The following RBBP4 variants were observed in gnomAD, a reference collection of about 807,000 sequenced individuals.
RBBP4 encodes histone-binding protein RBBP4.
RBBP4 carries 3 observed loss-of-function variants against 57.2 expected under a neutral mutation model. The ratio of observed to expected loss-of-function variants is 0.05; its 90% CI spans 0.02 to 0.14. The LOEUF is 0.14. Among genes scored for constraint, RBBP4 ranks in the 10% least tolerant of loss-of-function variants. RBBP4 has a pLI of 1.00. For synonymous variants in RBBP4, 151 were observed against 171.5 expected, an observed-to-expected ratio of 0.88 and a Z score of 0.93; for missense variants, 107 against 520.6, an observed-to-expected ratio of 0.21 and a Z score of 7.73.
At chr1:32,672,995 T>G in intron 11 of RBBP4, 94 bp downstream of exon 11, 4 of 1,039,984 alleles carry the variant, frequency 3.8e-6, no homozygotes, top group South Asian at 1.5e-5. Context: ...CTACCATCTC[T>G]GTTCATTTTA....
chr1:32,651,505 G>A, intron 1 of RBBP4, 183 bp downstream of exon 1: 2 of 1,345,368 alleles, frequency 1.5e-6, no homozygotes, highest in Non-Finnish European at 1.9e-6. Flanking sequence ...GACCGATTTC[G>A]GTCGCAGCTG....
Position 32,672,823 on chromosome 1 carries a change from T to C in RBBP4, c.1134T>C (p.Ser378=). Residue 378 remains serine (S), a synonymous_variant, in exon 11 of 12, where the codon TCT becomes TCC. Coordinates refer to ENST00000373493, the MANE Select transcript of RBBP4 (RefSeq NM_005610.3). The stretch of plus-strand genomic sequence containing the variant: ...ATGGTGGTCATACTGCCAAGATATC[T>C]GATTTCTCCTGGAATCCCAATGAAC... ...FIHGGHTAKI[S]DFSWNPNEPW... 6.2e-7 allele frequency: 1 copy of C among 1,613,900 alleles called. No individual in the cohort carries two copies. The highest frequency in any genetic ancestry group is 8.5e-7 in the Non-Finnish European group (1 of 1,179,762).
intron 8 of RBBP4, among the ~76,000 whole-genome samples, chr1:32,670,703 G>A (rs1305908373): frequency 6.6e-6 from 1 of 152,140 alleles, no homozygotes; most frequent in Non-Finnish European, 1.5e-5. Flanking sequence ...CTCCCAAAGT[G>A]CTGGGATTAC....
intron 3 of RBBP4, among the ~76,000 whole-genome samples, chr1:32,660,760 C>A (rs926851712): frequency 2.0e-5 from 3 of 151,960 alleles, no homozygotes; most frequent in Non-Finnish European, 4.4e-5. Context: ...TTTTGTCATT[C>A]TGGTATTTGG....
chr1:32,659,259 C>T (rs114023524), intron 3 of RBBP4, among the ~76,000 whole-genome samples: 353 of 151,614 alleles, frequency 2.3e-3, no homozygotes, highest in African/African-American at 8.2e-3. Flanking sequence ...CCCCTTCTCC[C>T]ATATAATAAA....
At chr1:32,679,076 C>G (rs1368144871) in intron 11 of RBBP4, among the ~76,000 whole-genome samples, 2 of 152,138 alleles carry the variant, frequency 1.3e-5, no homozygotes, top group South Asian at 4.1e-4. Flanking sequence ...GTGGGCAGAT[C>G]ACCTGAGATC....
chr1:32,655,584 T>C (rs1416939796), intron 2 of RBBP4, among the ~76,000 whole-genome samples: 3 of 152,188 alleles, frequency 2.0e-5, no homozygotes, highest in Non-Finnish European at 4.4e-5. Flanking sequence ...CCTATTGATA[T>C]CTTTAGACCT....
rs1649781752 is a variant in RBBP4 at position 32,685,750 on chromosome 1, A to C, written c.*6045A>C. 6.6e-6 allele frequency: 1 copy of C among 152,222 alleles called. No individual in the cohort carries two copies. The highest frequency in any genetic ancestry group is 2.1e-4 in the South Asian group (1 of 4,824). 9.4% of individuals were successfully genotyped at this position (152,222 alleles called of 1,614,324 possible). A position where few individuals can be genotyped will look rare whatever the true frequency, so the allele number is the denominator to read the frequency against. ...ACCCGTTGGTAAGGTACAAAAGTAC[A>C]TGCTTGGAAAAGCAGTCTGCACCAC... On this transcript the variant is annotated 3_prime_UTR_variant, in exon 12 of 12. Transcript: ENST00000373493.
chr1:32,672,720 A>T (rs1393224783), intron 10 of RBBP4, 21 bp downstream of exon 10: 2 of 1,611,810 alleles, frequency 1.2e-6, no homozygotes, highest in African/African-American at 2.7e-5. Context: ...AGCATTGGAC[A>T]GTACTGAAAT....
chr1:32,676,802 G>T (rs1014404445), intron 11 of RBBP4, among the ~76,000 whole-genome samples: 2 of 151,792 alleles, frequency 1.3e-5, no homozygotes, highest in Non-Finnish European at 2.9e-5. Flanking sequence ...TAATAGCTGG[G>T]CGTGATGGCA....
chr1:32,660,178 T>G (rs555083968), intron 3 of RBBP4, among the ~76,000 whole-genome samples: 1 of 152,310 alleles, frequency 6.6e-6, no homozygotes, highest in South Asian at 2.1e-4. Flanking sequence ...TTATACCTTC[T>G]CCACCCAATA....
At chr1:32,653,636 G>GTT (rs1557849759) in intron 2 of RBBP4, among the ~76,000 whole-genome samples, 1 of 15,248 alleles carries the variant, frequency 6.6e-5, no homozygotes, top group Admixed American at 1.0e-3. Context: ...TTTGTTTTCT[G>GTT]GTTTTTTTTT....
In RBBP4 at chr1:32,684,584, C is replaced by A. The variant is rs530801144; in HGVS notation, c.*4879C>A. 7 of 684,932 alleles carry A rather than the reference C, an allele frequency of 1.0e-5. No individual in the cohort carries two copies. In the African/African-American group the frequency reaches 1.3e-4, roughly 12 times the overall value. The allele number at this position is 684,932 out of a possible 1,614,324, so 42.4% of individuals were successfully genotyped here. A position where few individuals can be genotyped will look rare whatever the true frequency, so the allele number is the denominator to read the frequency against. On this transcript the variant is annotated 3_prime_UTR_variant, in exon 12 of 12. Transcript: ENST00000373493. ...GTGACAATGCTTTTGAAAATGATGA[C>A]GAAAAAGGCATCTTGTCTGTTAACC... is the stretch of plus-strand genomic sequence containing the variant.
chr1:32,670,531 T>C (rs1369296650), intron 8 of RBBP4, among the ~76,000 whole-genome samples: 1 of 152,012 alleles, frequency 6.6e-6, no homozygotes, highest in Non-Finnish European at 1.5e-5. Context: ...GATTACGTTA[T>C]GTAGCCTTTG....
intron 9 of RBBP4, 52 bp downstream of exon 9, chr1:32,672,578 C>T: frequency 3.1e-6 from 5 of 1,597,528 alleles, no homozygotes; most frequent in South Asian, 1.1e-5. Flanking sequence ...TTTATTTACA[C>T]TTTGCAAAGG....
intron 3 of RBBP4, among the ~76,000 whole-genome samples, chr1:32,667,651 A>G (rs1010750925): frequency 2.0e-5 from 3 of 152,160 alleles, no homozygotes; most frequent in African/African-American, 7.2e-5. Flanking sequence ...GCTGGACCCT[A>G]CATCAGTAGA....
rs937665881 is a variant in RBBP4 at position 32,686,087 on chromosome 1, G to A, written c.*6382G>A. ...TGACTAGTCTCAATTGAGATGTAATGTAAGTGTAAAATACACAGCAGATTT... is the reference window on the plus strand; with the variant it reads ...TGACTAGTCTCAATTGAGATGTAATATAAGTGTAAAATACACAGCAGATTT... On this transcript the variant is annotated 3_prime_UTR_variant, in exon 12 of 12. Transcript: ENST00000373493. 1 of 152,156 alleles carries A rather than the reference G, an allele frequency of 6.6e-6. No homozygotes were observed. The highest frequency in any genetic ancestry group is 2.4e-5 in the African/African-American group (1 of 41,426). 9.4% of individuals were successfully genotyped at this position (152,156 alleles called of 1,614,324 possible).
chr1:32,681,615 C>A lies in RBBP4; in HGVS notation c.*1910C>A. 3 of 613,164 alleles carry A rather than the reference C, an allele frequency of 4.9e-6. No homozygotes were observed. The highest frequency in any genetic ancestry group is 5.8e-6 in the Non-Finnish European group (2 of 347,214). The allele number at this position is 613,164 out of a possible 1,614,324, so 38.0% of individuals were successfully genotyped here. On this transcript the variant is annotated 3_prime_UTR_variant, in exon 12 of 12. Coordinates refer to ENST00000373493, the MANE Select transcript of RBBP4 (RefSeq NM_005610.3). ...TTTCCTTTCCTTGGTGCATTGAGAT[C>A]AGTATCAACAGCAGATGAAATAGAA...
At chr1:32,656,341 C>T (rs1032230633) in intron 2 of RBBP4, among the ~76,000 whole-genome samples, 5 of 48,384 alleles carry the variant, frequency 1.0e-4, no homozygotes, top group African/African-American at 1.0e-4. Flanking sequence ...ATTAGCCAGC[C>T]GCCGGTTTTT....
Sources: gnomAD v4.1 joint callset for allele counts (sites outside exome capture counted in the v4.1 genomes callset) on GRCh38, gnomAD v4.1.1 for gene constraint, MANE v1.5 for transcripts, NCBI Gene and HGNC (gene_info 2026-07-23, HGNC 2026-07-21) for gene names.